The following MBNL3 variants were observed in gnomAD, a reference collection of about 807,000 sequenced individuals.
The protein encoded by MBNL3 is muscleblind-like protein 3.
A neutral mutation model predicts 24.5 loss-of-function variants in MBNL3; 6 were observed. That is an observed-to-expected ratio of 0.25 (90% CI 0.13 to 0.48). The LOEUF (loss-of-function observed/expected upper bound fraction) is 0.48. MBNL3 is among the 20% of genes least tolerant of loss of function. The pLI is 0.99. For missense variants in MBNL3, 230 were observed against 293.5 expected (o/e 0.78, Z 1.58); for synonymous variants, 100 against 101.7 (o/e 0.98, Z 0.10).
At chrX:132,467,042 C>T (rs1946922644) in intron 1 of MBNL3, among the ~76,000 whole-genome samples, 1 of 111,604 alleles carries the variant, frequency 9.0e-6, no homozygotes. Context: ...CTATTCAATA[C>T]TATATGGCCA....
At chrX:132,419,858 T>C (rs1377161406) in intron 2 of MBNL3, among the ~76,000 whole-genome samples, 1 of 112,485 alleles carries the variant, frequency 8.9e-6, no homozygotes, top group Non-Finnish European at 1.9e-5. Flanking sequence ...AATATGTGGC[T>C]GCATCATGTA....
intron 1 of MBNL3, among the ~76,000 whole-genome samples, chrX:132,478,475 T>A (rs1309045549): frequency 9.0e-6 from 1 of 111,265 alleles, no homozygotes; most frequent in Non-Finnish European, 1.9e-5. Context: ...TTGACCATCT[T>A]CCCTTCAAAA....
intron 2 of MBNL3, among the ~76,000 whole-genome samples, chrX:132,437,587 G>A (rs1048775382): frequency 1.8e-5 from 2 of 111,290 alleles, no homozygotes; most frequent in African/African-American, 3.3e-5. Context: ...TAAGTTGCCC[G>A]AGGTCAGATA....
At chrX:132,416,672 T>C (rs1943330947) in intron 2 of MBNL3, among the ~76,000 whole-genome samples, 1 of 112,279 alleles carries the variant, frequency 8.9e-6, no homozygotes, top group African/African-American at 3.2e-5. Flanking sequence ...ACACATTGTA[T>C]GCCTGTATCA....
chrX:132,382,390 A>G, intron 7 of MBNL3, 118 bp from the exon 8 acceptor site: 1 of 500,719 alleles, frequency 2.0e-6, no homozygotes, highest in Non-Finnish European at 3.4e-6. Context: ...GTGACATCAT[A>G]ACGATGAATA....
At chrX:132,474,562 G>A (rs1215256932) in intron 1 of MBNL3, among the ~76,000 whole-genome samples, 1 of 111,571 alleles carries the variant, frequency 9.0e-6, no homozygotes, top group East Asian at 2.8e-4. Flanking sequence ...AGGCTCACCA[G>A]AGTTCTGTAT....
chrX:132,444,604 T>G (rs759190551), intron 1 of MBNL3, among the ~76,000 whole-genome samples: 8 of 111,114 alleles, frequency 7.2e-5, no homozygotes, highest in Non-Finnish European at 1.5e-4. Flanking sequence ...GTGGGGGAGA[T>G]TTCTCTCTGA....
intron 1 of MBNL3, among the ~76,000 whole-genome samples, chrX:132,441,518 C>T (rs940581239): frequency 8.9e-6 from 1 of 112,099 alleles, no homozygotes; most frequent in Non-Finnish European, 1.9e-5. Context: ...TGTTCTAGAG[C>T]GTTGAAGTTG....
chrX:132,474,713 A>G (rs193287076), intron 1 of MBNL3, among the ~76,000 whole-genome samples: 1 of 111,963 alleles, frequency 8.9e-6, no homozygotes, highest in Admixed American at 9.5e-5. Flanking sequence ...TCAGCCAGTA[A>G]GCACATCTAA....
At position 132,378,342 on chromosome X, in the gene MBNL3, G is replaced by T. The variant is rs972732468; in HGVS notation, c.*1324C>A. The T allele has an allele frequency of 9.0e-6, 1 of 111,380 alleles. No individual in the cohort carries two copies. Among genetic ancestry groups the T allele is most frequent in the Non-Finnish European group, 1.9e-5 (1 of 52,965 alleles). 9.2% of individuals were successfully genotyped at this position (111,380 alleles called of 1,213,427 possible). Reference sequence around the variant, plus strand: ...AATTGTAAGTGCTTCCCTGTTCCCTGTCCTAGCCATTTCTCCAAGCCTGTA... The same window carrying T: ...AATTGTAAGTGCTTCCCTGTTCCCTTTCCTAGCCATTTCTCCAAGCCTGTA... On this transcript the variant is annotated 3_prime_UTR_variant, in exon 9 of 9. Transcript: ENST00000370853.
chrX:132,453,317 C>T (rs143747031), intron 1 of MBNL3, among the ~76,000 whole-genome samples: 12 of 111,483 alleles, frequency 1.1e-4, no homozygotes, highest in African/African-American at 3.3e-4. Context: ...CTTAAGGAGC[C>T]CACAGCACAG....
At chrX:132,489,434 G>C (rs1328162664), upstream of MBNL3, among the ~76,000 whole-genome samples, 1 of 111,676 alleles carries the variant, frequency 9.0e-6, no homozygotes, top group Middle Eastern at 4.2e-3. Context: ...CGCGGAGGCC[G>C]GGCGTGGGGC....
chrX:132,374,505 T>C lies in MBNL3; in HGVS notation c.*5161A>G, dbSNP rs983054347. On this transcript the variant is annotated 3_prime_UTR_variant, in exon 9 of 9. Coordinates refer to ENST00000370853, the MANE Select transcript of MBNL3 (RefSeq NM_001386889.1). ...CCTCCGTAACAGCAAAGCAACATTA[T>C]GCTTTAGTTAAGTCTTAGAGCAAAA... 3 of 111,823 alleles carry C rather than the reference T, an allele frequency of 2.7e-5. No individual in the cohort carries two copies. Among genetic ancestry groups the C allele is most frequent in the Admixed American group, 9.5e-5 (1 of 10,539 alleles). 9.2% of individuals were successfully genotyped at this position (111,823 alleles called of 1,213,427 possible).
rs1271884236 is a variant in MBNL3, at chrX:132,374,727, C to A, written c.*4939G>T. 3.6e-5 allele frequency: 4 copies of A among 111,755 alleles called. No individual in the cohort carries two copies. Among genetic ancestry groups the A allele is most frequent in the Non-Finnish European group, 7.5e-5 (4 of 52,995 alleles). The allele number at this position is 111,755 out of a possible 1,213,427, so 9.2% of individuals were successfully genotyped here. A position where few individuals can be genotyped will look rare whatever the true frequency, so the allele number is the denominator to read the frequency against. On this transcript the variant is annotated 3_prime_UTR_variant, in exon 9 of 9. Coordinates refer to ENST00000370853, the MANE Select transcript of MBNL3 (RefSeq NM_001386889.1). ...AACTGCAGCATATGTTTCTTAAACA[C>A]TGTTAAGGGGTCATTCCACAGTATC...
chrX:132,462,676 ATG>A (rs759092942), intron 1 of MBNL3, among the ~76,000 whole-genome samples: 2 of 107,783 alleles, frequency 1.9e-5, no homozygotes, highest in African/African-American at 7.1e-5. Flanking sequence ...CACCTGCACT[ATG>A]TGTGTGTGTG....
chrX:132,420,939 C>G (rs1034293607), intron 2 of MBNL3, among the ~76,000 whole-genome samples: 2 of 112,249 alleles, frequency 1.8e-5, no homozygotes, highest in Admixed American at 1.9e-4. Context: ...AGGTCACAGG[C>G]TGTTCATACT....
intron 2 of MBNL3, among the ~76,000 whole-genome samples, chrX:132,422,038 T>C (rs780217470): frequency 1.1e-4 from 12 of 111,634 alleles, no homozygotes; most frequent in African/African-American, 1.6e-4. Flanking sequence ...TTTGAGCTAA[T>C]TTTTCATTTT....
At chrX:132,451,435 C>A (rs1946102857) in intron 1 of MBNL3, among the ~76,000 whole-genome samples, 4 of 111,691 alleles carry the variant, frequency 3.6e-5, no homozygotes. Flanking sequence ...GGGCTCCACA[C>A]AGTTCGAACT....
chrX:132,446,908 CTTGAG>C (rs777420320), intron 1 of MBNL3, among the ~76,000 whole-genome samples: 440 of 111,809 alleles, frequency 3.9e-3, no homozygotes, highest in Non-Finnish European at 6.6e-3. Flanking sequence ...TTTAATCCAT[CTTGAG>C]TTATTTTTTG....
Sources: allele counts gnomAD v4.1 joint callset (sites outside exome capture counted in the v4.1 genomes callset), GRCh38; gene constraint gnomAD v4.1.1; transcripts MANE v1.5; gene names NCBI Gene and HGNC (gene_info 2026-07-23, HGNC 2026-07-21).